The following NOP58 variants were observed in gnomAD, a reference collection of about 807,000 sequenced individuals.
NOP58 encodes the protein NOP58 ribonucleoprotein, also known as nucleolar protein 58.
Under a neutral mutation model 71.2 loss-of-function variants are expected in NOP58, and 44 were observed. The observed-to-expected ratio is 0.62, with a 90% confidence interval of 0.49 to 0.79. The LOEUF is 0.79. Ranked by LOEUF, NOP58 falls within the 30% of genes least tolerant of loss-of-function variation. The pLI, the probability that NOP58 is intolerant of heterozygous loss-of-function variation, is 0.00. For synonymous variants in NOP58, 228 were observed against 200.3 expected, an observed-to-expected ratio of 1.14 and a Z score of -1.17; for missense variants, 538 against 620.2, an observed-to-expected ratio of 0.87 and a Z score of 1.41.
rs1197058491 is a variant in NOP58 at position 202,300,161 on chromosome 2, T to G, written c.1269-73T>G. On this transcript the variant is annotated intron_variant, in intron 12 of 14. Coordinates refer to ENST00000264279, the MANE Select transcript of NOP58 (RefSeq NM_015934.5). ...ATGTAAGTATTATCTAATGGCATTT[T>G]CTTTATCTCTTGAGAATTATTTCAA... 4 of 1,300,766 alleles carry G rather than the reference T, an allele frequency of 3.1e-6. No homozygotes were observed. In the South Asian group the frequency reaches 5.3e-5, roughly 17 times the overall value. 80.6% of individuals were successfully genotyped at this position (1,300,766 alleles called of 1,614,324 possible). A position where few individuals can be genotyped will look rare whatever the true frequency, so the allele number is the denominator to read the frequency against.
chr2:202,268,082 C>T (rs1688447163), intron 1 of NOP58, among the ~76,000 whole-genome samples: 1 of 152,046 alleles, frequency 6.6e-6, no homozygotes, highest in South Asian at 2.1e-4. Context: ...TGTGAAAATG[C>T]ACTACTAAAA....
At chr2:202,268,523 A>G (rs1459007557) in intron 1 of NOP58, among the ~76,000 whole-genome samples, 1 of 151,668 alleles carries the variant, frequency 6.6e-6, no homozygotes, top group Non-Finnish European at 1.5e-5. Context: ...CAATAAGAGC[A>G]CAACTCCGTC....
At chr2:202,284,819 T>A (rs1473494862) in intron 5 of NOP58, 1 of 207,124 alleles carries the variant, frequency 4.8e-6, no homozygotes, top group Non-Finnish European at 9.6e-6. Context: ...CACTCCTCCA[T>A]CTACTTAGTA....
At chr2:202,269,848 TTC>T (rs1688487882) in intron 1 of NOP58, among the ~76,000 whole-genome samples, 3 of 152,258 alleles carry the variant, frequency 2.0e-5, no homozygotes, top group Non-Finnish European at 4.4e-5. Flanking sequence ...TCAGCTGCTC[TTC>T]CATGTGGTAG....
chr2:202,298,231 TG>T (rs1689029377), intron 12 of NOP58, among the ~76,000 whole-genome samples: 1 of 152,254 alleles, frequency 6.6e-6, no homozygotes, highest in Non-Finnish European at 1.5e-5. Flanking sequence ...TTTTTTTCCA[TG>T]CCATTTAGTT....
At chr2:202,274,354 G>C (rs1299938137) in intron 1 of NOP58, among the ~76,000 whole-genome samples, 1 of 151,110 alleles carries the variant, frequency 6.6e-6, no homozygotes, top group Non-Finnish European at 1.5e-5. Flanking sequence ...AGCCTCCCGA[G>C]TGGCGGGGAT....
At chr2:202,296,717 T>TTTTTG (rs1553573751) in intron 10 of NOP58, among the ~76,000 whole-genome samples, 5 of 149,194 alleles carry the variant, frequency 3.4e-5, no homozygotes, top group Middle Eastern at 3.4e-3. Context: ...CCACGCTTTT[T>TTTTTG]TTTGTTTGTT....
At chr2:202,290,734 G>C (rs80270191) in intron 7 of NOP58, among the ~76,000 whole-genome samples, 212 of 152,286 alleles carry the variant, frequency 1.4e-3, no homozygotes, top group African/African-American at 5.0e-3. Context: ...GTTGATTGTC[G>C]TTAACGTACA....
intron 5 of NOP58, among the ~76,000 whole-genome samples, chr2:202,286,243 G>A (rs1688784142): frequency 6.6e-6 from 1 of 150,760 alleles, no homozygotes; most frequent in African/African-American, 2.4e-5. Flanking sequence ...GCTCACGCCT[G>A]TAATACATCC....
rs1574379503 is a variant in NOP58, at chr2:202,279,054, G to T, written c.175+1052G>T. Among the ~76,000 whole-genome samples the T allele has an allele frequency of 3.3e-5, 5 of 152,272 alleles. No individual in the cohort carries two copies. In the Middle Eastern group the frequency reaches 0.014, roughly 414 times the overall value. On this transcript the variant is annotated intron_variant, in intron 3 of 14. Transcript: ENST00000264279. ...TATTAACTTGGAGAATTTTTAAAAA[G>T]ATAGCCTGTTCATCACAGCTTTTAA...
chr2:202,284,433 G>T lies in NOP58; in HGVS notation c.386G>T (p.Gly129Val), dbSNP rs371228045. 5 of 1,613,964 alleles carry T rather than the reference G, an allele frequency of 3.1e-6. No individual in the cohort carries two copies. The highest frequency in any genetic ancestry group is 4.2e-6 in the Non-Finnish European group (5 of 1,179,940). Residue 129 changes from glycine (G) to valine (V), a missense_variant, in exon 5 of 15, where the codon GGG (glycine) becomes GTG (valine). Transcript: ENST00000264279. ...TCACAAATGGATGGATTAATCCCTG[G>T]GGTAGAACCACGTGAAATGGCAGCT... ...IRSQMDGLIP[G>V]VEPREMAAMC...
chr2:202,290,524 C>T (rs756496858), intron 7 of NOP58, 67 bp downstream of exon 7: 53 of 1,356,930 alleles, frequency 3.9e-5, no homozygotes, highest in African/African-American at 2.2e-4. Context: ...TAAAACATGA[C>T]GTATAGCATT....
Position 202,303,060 on chromosome 2 carries a change from A to G in NOP58, c.1539+3A>G. Reference sequence around the variant, plus strand: ...CATGTACCAGCACAGCAATTGCTGTATGTTTGTTTTTAATTATCGGTTTTC... The same window carrying G: ...CATGTACCAGCACAGCAATTGCTGTGTGTTTGTTTTTAATTATCGGTTTTC... On this transcript the variant is annotated splice_donor_region_variant and intron_variant, in intron 14 of 14. Transcript: ENST00000264279. 6.2e-7 allele frequency: 1 copy of G among 1,606,904 alleles called. No homozygotes were observed. Among genetic ancestry groups the G allele is most frequent in the Non-Finnish European group, 8.5e-7 (1 of 1,178,540 alleles).
At chr2:202,271,446 A>AAG (rs1422537339) in intron 1 of NOP58, among the ~76,000 whole-genome samples, 1 of 151,448 alleles carries the variant, frequency 6.6e-6, no homozygotes, top group African/African-American at 2.4e-5. Flanking sequence ...ATGTGCCTGT[A>AAG]ATCCCAGCTA....
chr2:202,268,004 T>C (rs1277728734), intron 1 of NOP58, among the ~76,000 whole-genome samples: 1 of 152,218 alleles, frequency 6.6e-6, no homozygotes, highest in Non-Finnish European at 1.5e-5. Flanking sequence ...TTATTGGAAT[T>C]AACATTGATC....
At chr2:202,271,400 C>CAA (rs780941347) in intron 1 of NOP58, among the ~76,000 whole-genome samples, 91 of 115,054 alleles carry the variant, frequency 7.9e-4, no homozygotes, top group African/African-American at 2.6e-3. Flanking sequence ...TACTAAAATA[C>CAA]AAAAAAAAAA....
intron 14 of NOP58, 98 bp from the exon 15 acceptor site, chr2:202,303,288 G>A: frequency 6.5e-7 from 1 of 1,546,066 alleles, no homozygotes; most frequent in South Asian, 1.3e-5. Context: ...ATTTGCTCAA[G>A]CTTACTTTTT....
intron 1 of NOP58, among the ~76,000 whole-genome samples, chr2:202,269,456 T>A (rs375558934): frequency 6.6e-6 from 1 of 152,048 alleles, no homozygotes; most frequent in South Asian, 2.1e-4. Flanking sequence ...TGCCCACTTA[T>A]GTGTTTAGAG....
chr2:202,296,225 C>T (rs1220847784), intron 10 of NOP58, among the ~76,000 whole-genome samples: 2 of 151,738 alleles, frequency 1.3e-5, no homozygotes, highest in Non-Finnish European at 2.9e-5. Flanking sequence ...GAGATGGAGT[C>T]CCGCTCTGTC....
Sources: gnomAD v4.1 joint callset for allele counts (sites outside exome capture counted in the v4.1 genomes callset) on GRCh38, gnomAD v4.1.1 for gene constraint, MANE v1.5 for transcripts, NCBI Gene and HGNC (gene_info 2026-07-23, HGNC 2026-07-21) for gene names.